CYP19A1: variants seen among roughly 807,000 people sequenced by gnomAD.
CYP19A1 encodes cytochrome P450 family 19 subfamily A member 1.
In CYP19A1, 32 loss-of-function variants were observed where a neutral mutation model predicts 44.4. The ratio of observed to expected loss-of-function variants is 0.72; its 90% CI spans 0.54 to 0.97. The LOEUF is 0.97. Among genes scored for constraint, CYP19A1 ranks in the 50% least tolerant of loss-of-function variants. The pLI is 0.00. For missense variants in CYP19A1, 598 were observed against 637.8 expected (o/e 0.94, Z 0.67); for synonymous variants, 212 against 215.6 (o/e 0.98, Z 0.14).
In CYP19A1 at chr15:51,310,878, A is replaced by C. The variant is rs535539950; in HGVS notation, c.-39+27617T>G. Among the ~76,000 whole-genome samples the C allele has an allele frequency of 2.6e-5, 4 of 152,342 alleles. No homozygotes were observed. The East Asian group carries it at 7.7e-4, about 29-fold the overall frequency. On this transcript the variant is annotated intron_variant, in intron 1 of 9. Transcript: ENST00000396402. ...AGCACAAGTCCTGACCTCACCTCCA[A>C]GATGTGCATGTGTGGAACACAAACA...
chr15:51,245,089 A>G (rs1425403209), intron 1 of CYP19A1, among the ~76,000 whole-genome samples: 1 of 152,336 alleles, frequency 6.6e-6, no homozygotes, highest in East Asian at 1.9e-4. Context: ...TTTGACAACA[A>G]ATTTTAAAGG....
intron 1 of CYP19A1, among the ~76,000 whole-genome samples, chr15:51,282,614 T>C (rs973771205): frequency 3.3e-5 from 5 of 152,252 alleles, no homozygotes; most frequent in African/African-American, 1.2e-4. Flanking sequence ...TCTCTCAAAC[T>C]GTCTTTTCTC....
chr15:51,229,636 T>G (rs925213541), intron 3 of CYP19A1, among the ~76,000 whole-genome samples: 2 of 152,114 alleles, frequency 1.3e-5, no homozygotes, highest in Non-Finnish European at 2.9e-5. Flanking sequence ...TTTCAAATTT[T>G]GTCATATATA....
chr15:51,319,973 C>T (rs1311161214), intron 1 of CYP19A1, among the ~76,000 whole-genome samples: 3 of 152,198 alleles, frequency 2.0e-5, no homozygotes, highest in South Asian at 2.1e-4. Flanking sequence ...GGTCACAGAG[C>T]GACACTTGAA....
intron 1 of CYP19A1, among the ~76,000 whole-genome samples, chr15:51,251,291 C>T (rs937827943): frequency 1.3e-5 from 2 of 152,110 alleles, no homozygotes; most frequent in Admixed American, 6.6e-5. Flanking sequence ...GCCCAGGTGC[C>T]GCCAGCCAGA....
At chr15:51,224,360 T>C (rs927402259) in intron 4 of CYP19A1, among the ~76,000 whole-genome samples, 3 of 152,222 alleles carry the variant, frequency 2.0e-5, no homozygotes, top group African/African-American at 7.2e-5. Flanking sequence ...AGGACCCTCA[T>C]TGATTATAGA....
At chr15:51,299,489 G>T (rs921480695) in intron 1 of CYP19A1, among the ~76,000 whole-genome samples, 2 of 152,118 alleles carry the variant, frequency 1.3e-5, no homozygotes, top group East Asian at 1.9e-4. Flanking sequence ...TGTTTCCAGC[G>T]TGGCCTTTGG....
intron 6 of CYP19A1, 86 bp downstream of exon 6, chr15:51,218,455 T>C (rs2031777471): frequency 6.5e-7 from 1 of 1,529,808 alleles, no homozygotes; most frequent in Non-Finnish European, 8.8e-7. Context: ...AAAAGTTACC[T>C]GAGAGGCCAA....
chr15:51,312,503 C>T (rs532917926), intron 1 of CYP19A1: 9 of 152,404 alleles, frequency 5.9e-5, no homozygotes, highest in Middle Eastern at 3.4e-3. Flanking sequence ...TCCAGACCAT[C>T]CAGCCCTAGC....
chr15:51,232,308 T>G (rs560261367), intron 3 of CYP19A1, among the ~76,000 whole-genome samples: 1 of 152,326 alleles, frequency 6.6e-6, no homozygotes, highest in Non-Finnish European at 1.5e-5. Context: ...TGCATTCCCT[T>G]GCCCCATCAG....
Position 51,336,103 on chromosome 15 carries a change from C to T in CYP19A1, c.-39+2392G>A, listed in dbSNP as rs114049158. On this transcript the variant is annotated intron_variant, in intron 1 of 9. Transcript: ENST00000396402. ...CCTTCCCTGAACCACACATCCAACTCTAGGACAGGCTCTTCAGTGATATGA... is the reference window on the plus strand; with the variant it reads ...CCTTCCCTGAACCACACATCCAACTTTAGGACAGGCTCTTCAGTGATATGA... Among the ~76,000 whole-genome samples, 1,341 of 152,290 alleles carry T rather than the reference C, an allele frequency of 8.8e-3. 15 individuals are homozygous for T. Among genetic ancestry groups the T allele is most frequent in the African/African-American group, 0.031 (1,294 of 41,556 alleles).
At chr15:51,296,061 A>G (rs566127624) in intron 1 of CYP19A1, among the ~76,000 whole-genome samples, 1 of 152,186 alleles carries the variant, frequency 6.6e-6, no homozygotes, top group South Asian at 2.1e-4. Context: ...TAGAAGCTGG[A>G]TGGCAGGGAG....
At chr15:51,299,446 C>A (rs1334673449) in intron 1 of CYP19A1, among the ~76,000 whole-genome samples, 2 of 152,202 alleles carry the variant, frequency 1.3e-5, no homozygotes, top group African/African-American at 2.4e-5. Flanking sequence ...CTCCTCTACT[C>A]CTGCCTCCAC....
At chr15:51,258,021 G>A (rs1426218223) in intron 1 of CYP19A1, among the ~76,000 whole-genome samples, 2 of 152,192 alleles carry the variant, frequency 1.3e-5, no homozygotes, top group South Asian at 2.1e-4. Flanking sequence ...TATTGACTCT[G>A]TGAGTTAGCT....
intron 1 of CYP19A1, among the ~76,000 whole-genome samples, chr15:51,324,686 AAC>A (rs1054145991): frequency 1.3e-5 from 2 of 152,274 alleles, no homozygotes; most frequent in Admixed American, 6.5e-5. Context: ...CTAGCAAACA[AAC>A]ACATAGAAAT....
chr15:51,235,373 C>T (rs1304253156), intron 3 of CYP19A1, among the ~76,000 whole-genome samples: 1 of 152,128 alleles, frequency 6.6e-6, no homozygotes, highest in Non-Finnish European at 1.5e-5. Context: ...GGCCCAAGAA[C>T]GTGCATTGCT....
At chr15:51,319,200 A>G (rs978320828) in intron 1 of CYP19A1, among the ~76,000 whole-genome samples, 1 of 152,206 alleles carries the variant, frequency 6.6e-6, no homozygotes, top group Non-Finnish European at 1.5e-5. Flanking sequence ...ATCAGGCTGA[A>G]GTTGGAATGT....
chr15:51,286,792 A>C (rs2035713074), intron 1 of CYP19A1, among the ~76,000 whole-genome samples: 1 of 152,176 alleles, frequency 6.6e-6, no homozygotes, highest in Non-Finnish European at 1.5e-5. Context: ...CCCATAAAGA[A>C]ATAAAAGGCA....
At chr15:51,265,674 G>A (rs898774349) in intron 1 of CYP19A1, among the ~76,000 whole-genome samples, 1 of 152,066 alleles carries the variant, frequency 6.6e-6, no homozygotes, top group African/African-American at 2.4e-5. Context: ...TAAAATTTTG[G>A]ATATCTTAAA....
Sources: gnomAD v4.1 joint callset for allele counts (sites outside exome capture counted in the v4.1 genomes callset) on GRCh38, gnomAD v4.1.1 for gene constraint, MANE v1.5 for transcripts, NCBI Gene and HGNC (gene_info 2026-07-23, HGNC 2026-07-21) for gene names.